Variants in FRMD3 observed in about 807,000 individuals in gnomAD.
The protein encoded by FRMD3 is FERM domain containing 3, also known as FERM domain-containing protein 3.
A neutral mutation model predicts 70.2 loss-of-function variants in FRMD3; 33 were observed. That is an observed-to-expected ratio of 0.47 (90% confidence interval 0.36 to 0.63). FRMD3 has a LOEUF of 0.63. Ranked by LOEUF, FRMD3 falls within the 20% of genes least tolerant of loss-of-function variation. The pLI, the probability that FRMD3 is intolerant of heterozygous loss-of-function variation, is 0.00. For missense variants in FRMD3, 632 were observed against 711.4 expected (o/e 0.89, Z 1.27); for synonymous variants, 279 against 255.9 (o/e 1.09, Z -0.86).
intron 1 of FRMD3, among the ~76,000 whole-genome samples, chr9:83,482,705 C>T (rs1030650283): frequency 3.3e-5 from 5 of 152,086 alleles, no homozygotes; most frequent in Non-Finnish European, 7.4e-5. Context: ...GTAAGACATC[C>T]TAGGCTATGT....
intron 3 of FRMD3, among the ~76,000 whole-genome samples, chr9:83,363,641 C>T (rs1028951832): frequency 6.6e-6 from 1 of 151,112 alleles, no homozygotes; most frequent in Non-Finnish European, 1.5e-5. Flanking sequence ...GCAGGCTCCG[C>T]CCCCCGGGGT....
upstream of FRMD3, among the ~76,000 whole-genome samples, chr9:83,541,325 ACT>A (rs1381829642): frequency 6.6e-6 from 1 of 152,242 alleles, no homozygotes; most frequent in Non-Finnish European, 1.5e-5. Flanking sequence ...CTTCCCAATG[ACT>A]CTGGTTTCAA....
At chr9:83,530,530 T>C (rs975860508) in intron 1 of FRMD3, among the ~76,000 whole-genome samples, 3 of 152,084 alleles carry the variant, frequency 2.0e-5, no homozygotes, top group Admixed American at 6.6e-5. Context: ...CAAAGGTTCA[T>C]TTTGGGGATG....
At chr9:83,464,659 G>A (rs980086201) in intron 1 of FRMD3, among the ~76,000 whole-genome samples, 8 of 152,124 alleles carry the variant, frequency 5.3e-5, no homozygotes, top group African/African-American at 1.7e-4. Flanking sequence ...CTCGTTCCTG[G>A]GTTGTGGGTT....
intron 13 of FRMD3, among the ~76,000 whole-genome samples, chr9:83,281,015 C>G (rs1164519806): frequency 1.3e-5 from 2 of 152,128 alleles, no homozygotes; most frequent in East Asian, 1.9e-4. Flanking sequence ...TGCCTCAGAT[C>G]TATTATAAAG....
chr9:83,298,381 A>G (rs1163660086), intron 12 of FRMD3, among the ~76,000 whole-genome samples: 1 of 152,210 alleles, frequency 6.6e-6, no homozygotes, highest in East Asian at 1.9e-4. Flanking sequence ...AGTCAGGCCA[A>G]TGGGAACGGG....
intron 3 of FRMD3, among the ~76,000 whole-genome samples, chr9:83,365,349 C>T (rs1051488812): frequency 2.0e-5 from 3 of 152,126 alleles, no homozygotes; most frequent in Non-Finnish European, 2.9e-5. Flanking sequence ...TTCACATTTT[C>T]GTCCTACTGA....
chr9:83,363,872 A>G (rs769075663), intron 3 of FRMD3, among the ~76,000 whole-genome samples: 41 of 152,134 alleles, frequency 2.7e-4, no homozygotes, highest in Non-Finnish European at 4.3e-4. Flanking sequence ...GGCATTTTTA[A>G]TCTTGAAAGA....
intron 13 of FRMD3, among the ~76,000 whole-genome samples, chr9:83,262,449 G>T (rs1833034450): frequency 6.6e-6 from 1 of 152,158 alleles, no homozygotes; most frequent in Non-Finnish European, 1.5e-5. Flanking sequence ...TTCTTAACTG[G>T]ATGATAGCAA....
chr9:83,504,560 T>C (rs1829141594), intron 1 of FRMD3, among the ~76,000 whole-genome samples: 1 of 150,398 alleles, frequency 6.6e-6, no homozygotes, highest in Non-Finnish European at 1.5e-5. Context: ...ATCTGTTCTC[T>C]TTCTGAAATG....
At chr9:83,384,613 G>A (rs1200226844) in intron 2 of FRMD3, among the ~76,000 whole-genome samples, 1 of 152,080 alleles carries the variant, frequency 6.6e-6, no homozygotes, top group Non-Finnish European at 1.5e-5. Context: ...TGACGGTGGG[G>A]GATCAGGACT....
chr9:83,520,215 C>T (rs1425367183), intron 1 of FRMD3, among the ~76,000 whole-genome samples: 2 of 152,250 alleles, frequency 1.3e-5, no homozygotes, highest in East Asian at 3.9e-4. Context: ...CAGGCTAATT[C>T]CTTCCCCCCC....
chr9:83,266,880 T>A, intron 13 of FRMD3: 1 of 920,546 alleles, frequency 1.1e-6, no homozygotes, highest in Non-Finnish European at 1.6e-6. Flanking sequence ...TCCCTTCCTC[T>A]CTCTCTTTTC....
In FRMD3 at chr9:83,538,106, C is replaced by T. The variant is rs755187967; in HGVS notation, c.126G>A (p.Ser42=). The change falls in exon 1 of 14, where the codon TCG becomes TCA. Residue 42 remains serine (S), a synonymous_variant. Transcript: ENST00000304195. The surrounding 1 kb of genome is among the most constrained non-coding windows in gnomAD (Gnocchi z 4.7). ...MRCTIRLLDD[S]EISCHIQRET... is the part of the protein sequence containing the mutation. ...GCACCTGGATGTGGCAGGAGATCTC[C>T]GAGTCGTCCAGCAGCCGGATGGTGC... The T allele has an allele frequency of 6.2e-7, 1 of 1,613,064 alleles. No individual in the cohort carries two copies. The highest frequency in any genetic ancestry group is 1.7e-5 in the Admixed American group (1 of 59,976).
intron 1 of FRMD3, among the ~76,000 whole-genome samples, chr9:83,487,351 C>G (rs1049294451): frequency 1.3e-5 from 2 of 152,168 alleles, no homozygotes; most frequent in African/African-American, 4.8e-5. Flanking sequence ...CTTCCCTCCC[C>G]CAAAAAACAG....
chr9:83,465,038 AAGAAGAAG>A (rs1564090634), intron 1 of FRMD3, among the ~76,000 whole-genome samples: 1 of 86,996 alleles, frequency 1.1e-5, no homozygotes, highest in Admixed American at 1.3e-4. Context: ...AAAAAAAAAA[AAGAAGAAG>A]AAGCAGCAGC....
chr9:83,344,185 C>G (rs1380000098), intron 4 of FRMD3, among the ~76,000 whole-genome samples: 1 of 152,234 alleles, frequency 6.6e-6, no homozygotes, highest in Non-Finnish European at 1.5e-5. Flanking sequence ...TCATTCCAGG[C>G]TCAGGCCTGG....
intron 1 of FRMD3, among the ~76,000 whole-genome samples, chr9:83,476,988 A>G (rs1228948570): frequency 6.6e-6 from 1 of 152,176 alleles, no homozygotes; most frequent in Non-Finnish European, 1.5e-5. Flanking sequence ...CCAGTACCTA[A>G]CTAGCACAGT....
intron 1 of FRMD3, among the ~76,000 whole-genome samples, chr9:83,436,942 G>A (rs558889545): frequency 3.9e-5 from 6 of 152,156 alleles, no homozygotes; most frequent in Admixed American, 3.9e-4. Flanking sequence ...AGATGCCCCT[G>A]AAATATATAA....
Sources: allele counts gnomAD v4.1 joint callset (sites outside exome capture counted in the v4.1 genomes callset), GRCh38; gene constraint gnomAD v4.1.1; non-coding constraint Gnocchi (gnomAD v3.1); transcripts MANE v1.5; gene names NCBI Gene and HGNC (gene_info 2026-07-23, HGNC 2026-07-21).